PEBP4: variants seen among roughly 807,000 people sequenced by gnomAD.
PEBP4 encodes the protein phosphatidylethanolamine-binding protein 4.
Under a neutral mutation model 23.9 loss-of-function variants are expected in PEBP4, and 22 were observed. That is an observed-to-expected ratio of 0.92 (90% CI 0.66 to 1.31). The LOEUF is 1.31. PEBP4 is among the 40% of genes most tolerant of loss of function. The probability of loss-of-function intolerance (pLI) is 0.00; values close to 1 mark genes in which losing one functional copy is unlikely to be tolerated. For synonymous variants in PEBP4, 112 were observed against 99.3 expected (o/e 1.13, Z -0.76); for missense variants, 324 against 281.7 (o/e 1.15, Z -1.07).
At position 22,767,450 on chromosome 8, in the gene PEBP4, G is replaced by A. The variant is rs940845999; in HGVS notation, c.358-40230C>T. Among the ~76,000 whole-genome samples the A allele has an allele frequency of 6.6e-5, 10 of 152,172 alleles. 1 individual carries two copies. The highest frequency in any genetic ancestry group is 6.2e-4 in the South Asian group (3 of 4,832). On this transcript the variant is annotated intron_variant, in intron 4 of 6. Transcript: ENST00000256404. ...TTGTCACGTCCGCTGTCATTCCTCC[G>A]TGATTTCTCGAGCGGGAAAGAAGAG...
At chr8:22,796,621 T>C (rs1024837347) in intron 4 of PEBP4, among the ~76,000 whole-genome samples, 1 of 152,164 alleles carries the variant, frequency 6.6e-6, no homozygotes, top group Non-Finnish European at 1.5e-5. Flanking sequence ...AAGAGCTATA[T>C]AGACAATGTC....
chr8:22,798,110 A>T (rs1806302952), intron 4 of PEBP4, among the ~76,000 whole-genome samples: 1 of 152,158 alleles, frequency 6.6e-6, no homozygotes, highest in African/African-American at 2.4e-5. Context: ...GGCATCCCGA[A>T]TGAGGGGGAT....
intron 3 of PEBP4, among the ~76,000 whole-genome samples, chr8:22,904,262 G>C (rs541500778): frequency 6.6e-6 from 1 of 152,214 alleles, no homozygotes; most frequent in Non-Finnish European, 1.5e-5. Flanking sequence ...TGGAAGAGGA[G>C]AAGGAGCCAG....
intron 4 of PEBP4, among the ~76,000 whole-genome samples, chr8:22,789,430 G>A (rs910004243): frequency 1.3e-5 from 2 of 152,074 alleles, no homozygotes; most frequent in Non-Finnish European, 2.9e-5. Context: ...AACTAGGGTC[G>A]TCCAACCTTC....
At chr8:22,718,640 G>A (rs900481345) in intron 6 of PEBP4, among the ~76,000 whole-genome samples, 1 of 152,206 alleles carries the variant, frequency 6.6e-6, no homozygotes, top group Non-Finnish European at 1.5e-5. Context: ...GCCCTTTGGA[G>A]GAAGAGCGCC....
At chr8:22,769,591 G>A (rs1214073348) in intron 4 of PEBP4, among the ~76,000 whole-genome samples, 1 of 152,096 alleles carries the variant, frequency 6.6e-6, no homozygotes, top group Non-Finnish European at 1.5e-5. Context: ...GAATAGAACA[G>A]GGCCTTTCCC....
chr8:22,915,898 G>A (rs909727983), intron 3 of PEBP4, among the ~76,000 whole-genome samples: 1 of 152,162 alleles, frequency 6.6e-6, no homozygotes, highest in African/African-American at 2.4e-5. Flanking sequence ...TGTGAGTTCC[G>A]AGCTCTCTTA....
intron 4 of PEBP4, among the ~76,000 whole-genome samples, chr8:22,805,467 C>T (rs1013883756): frequency 6.6e-6 from 1 of 152,236 alleles, no homozygotes; most frequent in African/African-American, 2.4e-5. Flanking sequence ...GCTGGGATTA[C>T]AGGCATGCGC....
intron 3 of PEBP4, among the ~76,000 whole-genome samples, chr8:22,835,963 C>T (rs902873161): frequency 2.0e-5 from 3 of 152,204 alleles, no homozygotes; most frequent in Admixed American, 1.3e-4. Flanking sequence ...GGGAGACAGA[C>T]GTGTAAACAG....
chr8:22,833,392 C>T (rs1031978912), intron 3 of PEBP4, among the ~76,000 whole-genome samples: 2 of 152,244 alleles, frequency 1.3e-5, no homozygotes, highest in Non-Finnish European at 2.9e-5. Context: ...AGTGCAGTGG[C>T]GCGATCTCGG....
chr8:22,792,379 G>T (rs1466730783), intron 4 of PEBP4, among the ~76,000 whole-genome samples: 1 of 152,146 alleles, frequency 6.6e-6, no homozygotes, highest in African/African-American at 2.4e-5. Flanking sequence ...GTGCTTCTAA[G>T]GTGGAGATGA....
intron 3 of PEBP4, among the ~76,000 whole-genome samples, chr8:22,849,562 G>A (rs773978403): frequency 2.0e-5 from 3 of 152,162 alleles, no homozygotes; most frequent in African/African-American, 7.2e-5. Flanking sequence ...TGACCCAGAC[G>A]GTGTTTCCGT....
chr8:22,745,965 A>T (rs1032705395), intron 4 of PEBP4, among the ~76,000 whole-genome samples: 8 of 152,240 alleles, frequency 5.3e-5, no homozygotes, highest in African/African-American at 1.9e-4. Flanking sequence ...AAGGTCAATG[A>T]TGCTGCTCCA....
chr8:22,812,038 T>A (rs957551367), intron 4 of PEBP4, among the ~76,000 whole-genome samples: 1 of 152,234 alleles, frequency 6.6e-6, no homozygotes, highest in Non-Finnish European at 1.5e-5. Context: ...ATCATGCCCA[T>A]TTTAATGATG....
chr8:22,886,371 G>A (rs965168003), intron 3 of PEBP4: 11 of 152,194 alleles, frequency 7.2e-5, no homozygotes, highest in South Asian at 2.1e-4. Context: ...ACATCCCATC[G>A]TCTTGTCAGT....
At chr8:22,875,855 G>A (rs780864260) in intron 3 of PEBP4, among the ~76,000 whole-genome samples, 4 of 152,064 alleles carry the variant, frequency 2.6e-5, no homozygotes, top group South Asian at 2.1e-4. Context: ...TCCTTCTACC[G>A]GCAATGCTCT....
chr8:22,920,152 C>A, intron 3 of PEBP4, 32 bp downstream of exon 3: 1 of 1,588,026 alleles, frequency 6.3e-7, no homozygotes, highest in Non-Finnish European at 8.6e-7. Context: ...CCCCAACTGT[C>A]CCCCCGCTTT....
At chr8:22,900,443 G>A (rs1237494607) in intron 3 of PEBP4, among the ~76,000 whole-genome samples, 1 of 152,124 alleles carries the variant, frequency 6.6e-6, no homozygotes, top group African/African-American at 2.4e-5. Flanking sequence ...GAGGCCAGGG[G>A]TTCGAGACCA....
intron 3 of PEBP4, among the ~76,000 whole-genome samples, chr8:22,908,393 C>CAAACAAACA (rs543936612): frequency 7.1e-6 from 1 of 141,808 alleles, no homozygotes; most frequent in Non-Finnish European, 1.5e-5. Flanking sequence ...AACAAACAAA[C>CAAACAAACA]AAAAAAAAAA....
Sources: allele counts gnomAD v4.1 joint callset (sites outside exome capture counted in the v4.1 genomes callset), GRCh38; gene constraint gnomAD v4.1.1; transcripts MANE v1.5; gene names NCBI Gene and HGNC (gene_info 2026-07-23, HGNC 2026-07-21).